Variants in GARIN5B observed in about 807,000 individuals in gnomAD.
GARIN5B encodes Golgi-associated RAB2 interactor protein 5B.
chr19:55,355,249 T>C, the GARIN5B span: 1 of 1,370,316 alleles, frequency 7.3e-7, no homozygotes, highest in Non-Finnish European at 9.9e-7. Flanking sequence ...CTCCAGGGTC[T>C]TAAAGGGTAC....
At chr19:55,355,595 G>A in the GARIN5B span, among the ~76,000 whole-genome samples, 1 of 152,088 alleles carries the variant, frequency 6.6e-6, no homozygotes, top group Non-Finnish European at 1.5e-5. Flanking sequence ...CTGGGCAGGT[G>A]GTTTCACCTC....
the GARIN5B span, among the ~76,000 whole-genome samples, chr19:55,357,388 C>CCCCT: frequency 6.6e-6 from 1 of 152,202 alleles, no homozygotes; most frequent in Non-Finnish European, 1.5e-5. Flanking sequence ...GATGGGCGCC[C>CCCCT]CCCTGCTGCA....
chr19:55,355,727 T>C, the GARIN5B span, among the ~76,000 whole-genome samples: 1 of 152,200 alleles, frequency 6.6e-6, no homozygotes, highest in Non-Finnish European at 1.5e-5. Flanking sequence ...GGCTCATGCC[T>C]GTAATCCTAG....
At chr19:55,359,084 T>C in the GARIN5B span, 1 of 1,551,312 alleles carries the variant, frequency 6.4e-7, no homozygotes, top group African/African-American at 1.4e-5. Context: ...GTCTGTCTCC[T>C]GGGTGCGCAC....
At chr19:55,359,143 G>A in the GARIN5B span, 44 of 1,550,988 alleles carry the variant, frequency 2.8e-5, no homozygotes, top group Non-Finnish European at 3.7e-5. Context: ...TCTCCAGCAC[G>A]GCTCTTCCAG....
chr19:55,358,218 C>G, the GARIN5B span: 1 of 1,548,304 alleles, frequency 6.5e-7, no homozygotes, highest in Non-Finnish European at 8.7e-7. Flanking sequence ...CTCACAGTTT[C>G]AAGTTCTAAG....
chr19:55,362,939 A>G, the GARIN5B span: 10 of 1,505,386 alleles, frequency 6.6e-6, no homozygotes, highest in South Asian at 1.3e-4. Context: ...ACTCTCGAAC[A>G]TGGGCAGCGG....
At chr19:55,359,091 G>T in the GARIN5B span, 8 of 1,551,006 alleles carry the variant, frequency 5.2e-6, no homozygotes, top group Admixed American at 7.8e-5. Context: ...TCCTGGGTGC[G>T]CACCGTCACC....
the GARIN5B span, chr19:55,358,051 CA>C: frequency 0.088 from 95,221 of 1,082,172 alleles, 564 homozygotes; most frequent in African/African-American, 0.22. Flanking sequence ...GAGACCCTGT[CA>C]AAAAAAAAAA....
the GARIN5B span, chr19:55,362,357 C>T: frequency 3.0e-5 from 46 of 1,550,410 alleles, no homozygotes; most frequent in African/African-American, 4.1e-5. Flanking sequence ...GTTGATGAGG[C>T]GGACCCAGCA....
At chr19:55,359,321 G>A in the GARIN5B span, 3 of 1,550,748 alleles carry the variant, frequency 1.9e-6, no homozygotes, top group Non-Finnish European at 2.6e-6. Flanking sequence ...AGCCTTCTGG[G>A]GAATGGTAGG....
the GARIN5B span, chr19:55,359,089 G>C: frequency 6.4e-7 from 1 of 1,551,102 alleles, no homozygotes; most frequent in Non-Finnish European, 8.7e-7. Flanking sequence ...TCTCCTGGGT[G>C]CGCACCGTCA....
chr19:55,363,126 C>T, the GARIN5B span: 4 of 1,412,918 alleles, frequency 2.8e-6, no homozygotes, highest in Non-Finnish European at 3.7e-6. This position sits in a 1 kb window ranked among gnomAD's most constrained non-coding sequence, Gnocchi z 4.0. Flanking sequence ...GCAGGCCTCC[C>T]AGCCCCGGCC....
chr19:55,361,983 C>CCCAGGAGT, the GARIN5B span, among the ~76,000 whole-genome samples: 1 of 116,306 alleles, frequency 8.6e-6, no homozygotes, highest in Non-Finnish European at 1.7e-5. Flanking sequence ...CCTCCCTAGA[C>CCCAGGAGT]CCAGGAGTCC....
At chr19:55,358,345 C>T in the GARIN5B span, 1 of 1,526,380 alleles carries the variant, frequency 6.6e-7, no homozygotes, top group Non-Finnish European at 8.8e-7. Context: ...TGGCTGTGGC[C>T]TCCATCTTTG....
the GARIN5B span, chr19:55,359,059 C>T: frequency 1.4e-4 from 223 of 1,551,326 alleles, 1 homozygote; most frequent in African/African-American, 6.1e-4. Context: ...TGGCCTGAGT[C>T]GTCATCTCCA....
At chr19:55,360,048 A>G in the GARIN5B span, 382 of 1,444,380 alleles carry the variant, frequency 2.6e-4, no homozygotes, top group African/African-American at 4.4e-3. Context: ...GGGAGGGCAG[A>G]CCCCTGCTCC....
the GARIN5B span, chr19:55,360,992 A>ACG: frequency 6.4e-7 from 1 of 1,550,560 alleles, no homozygotes; most frequent in Non-Finnish European, 8.7e-7. Context: ...ACAAGACCCC[A>ACG]CGCCCACTTC....
chr19:55,362,792 G>C, the GARIN5B span: 4 of 1,496,138 alleles, frequency 2.7e-6, no homozygotes, highest in Non-Finnish European at 3.6e-6. Context: ...CACAGCCTGA[G>C]CCTCCCTCCT....
Sources: gnomAD v4.1 joint callset for allele counts (sites outside exome capture counted in the v4.1 genomes callset) on GRCh38, gnomAD v4.1.1 for gene constraint, Gnocchi (gnomAD v3.1) non-coding constraint, MANE v1.5 for transcripts, NCBI Gene and HGNC (gene_info 2026-07-23, HGNC 2026-07-21) for gene names.